The following TRRAP variants were observed in gnomAD, a reference collection of about 807,000 sequenced individuals.
TRRAP encodes transformation/transcription domain associated protein.
In TRRAP, 41 loss-of-function variants were observed where a neutral mutation model predicts 438.8. The ratio of observed to expected loss-of-function variants is 0.09; its 90% CI spans 0.07 to 0.12. The LOEUF is 0.12. Ranked by LOEUF, TRRAP falls within the 10% of genes least tolerant of loss-of-function variation. The probability of loss-of-function intolerance (pLI) is 1.00; values close to 1 mark genes in which losing one functional copy is unlikely to be tolerated. For missense variants in TRRAP, 3,122 were observed against 5,055.1 expected (o/e 0.62, Z 11.60); for synonymous variants, 1,994 against 1,962.9 (o/e 1.02, Z -0.42).
chr7:98,992,096 G>C (rs768753185), intron 64 of TRRAP, 41 bp from the exon 65 acceptor site: 7 of 1,590,960 alleles, frequency 4.4e-6, no homozygotes, highest in Non-Finnish European at 6.0e-6. Context: ...CCAGAGCTCA[G>C]CAGAGAGCAG....
intron 23 of TRRAP, 125 bp from the exon 24 acceptor site, chr7:98,929,864 G>A: frequency 1.0e-6 from 1 of 980,084 alleles, no homozygotes; most frequent in Non-Finnish European, 1.6e-6. Context: ...AGAGTGCTGG[G>A]ATTACGGGTG....
rs770212674 is a variant in TRRAP at position 99,008,488 on chromosome 7, A to C, written c.10865A>C (p.His3622Pro). 3.2e-5 allele frequency: 51 copies of C among 1,614,092 alleles called. No individual in the cohort carries two copies. The highest frequency in any genetic ancestry group is 8.5e-7 in the Non-Finnish European group (1 of 1,180,034). The part of the protein sequence containing the change: ...KQRCAKKGIE[H>P]DNPISRYYDR... ...CGCTGCGCCAAGAAGGGCATCGAGCATGACAACCCCATCTCCCGTTACTAT... is the reference window on the plus strand; with the variant it reads ...CGCTGCGCCAAGAAGGGCATCGAGCCTGACAACCCCATCTCCCGTTACTAT... Residue 3622 changes from histidine (H) to proline (P), a missense_variant, in exon 70 of 73, where the codon CAT becomes CCT. By Grantham distance (77) the His-to-Pro change is moderately conservative. Coordinates refer to ENST00000456197, the MANE Select transcript of TRRAP (RefSeq NM_001375524.1).
chr7:98,996,350 T>A (rs1396481188), intron 67 of TRRAP, among the ~76,000 whole-genome samples: 1 of 152,214 alleles, frequency 6.6e-6, no homozygotes, highest in Non-Finnish European at 1.5e-5. Flanking sequence ...GGCTCCCTAG[T>A]AGAGAAGCGC....
At chr7:98,903,590 C>T in intron 12 of TRRAP, 73 bp downstream of exon 12, 1 of 1,589,916 alleles carries the variant, frequency 6.3e-7, no homozygotes, top group Admixed American at 1.7e-5. Context: ...GGCTGACATT[C>T]CATAGTTGTG....
intron 41 of TRRAP, 151 bp from the exon 42 acceptor site, chr7:98,955,995 G>T: frequency 1.0e-6 from 1 of 985,882 alleles, no homozygotes; most frequent in Non-Finnish European, 1.5e-6. Context: ...CTCAGGTTAG[G>T]ATTCAGAATT....
At chr7:98,978,407 G>T in intron 57 of TRRAP, 84 bp downstream of exon 57, 1 of 1,238,982 alleles carries the variant, frequency 8.1e-7, no homozygotes. Flanking sequence ...TGTAATGAGC[G>T]TTTTTTAAAG....
chr7:98,971,591 A>G (rs964440636), intron 52 of TRRAP, among the ~76,000 whole-genome samples: 19 of 152,194 alleles, frequency 1.2e-4, no homozygotes, highest in African/African-American at 4.3e-4. Flanking sequence ...TGGCTTCTTT[A>G]TAGTCATTTT....
intron 18 of TRRAP, among the ~76,000 whole-genome samples, chr7:98,912,513 T>C (rs1554408939): frequency 1.3e-5 from 2 of 152,106 alleles, no homozygotes; most frequent in Non-Finnish European, 2.9e-5. Flanking sequence ...AATCATTCCG[T>C]GTATGTCTAA....
At chr7:98,968,401 G>T (rs1386478620) in intron 51 of TRRAP, among the ~76,000 whole-genome samples, 1 of 152,240 alleles carries the variant, frequency 6.6e-6, no homozygotes, top group Non-Finnish European at 1.5e-5. Flanking sequence ...AGTGTGAGGA[G>T]TCGGGTGCTG....
In TRRAP at chr7:98,930,619, A is replaced by T. The variant is rs782728880; in HGVS notation, c.3394-14A>T. On this transcript the variant is annotated splice_polypyrimidine_tract_variant and intron_variant, in intron 24 of 72. Transcript: ENST00000456197. Reference sequence around the variant, plus strand: ...TGCAGTAACGTGTTGTGGTTTGTTCATTTTCCTCTCCAGGCCTGCCAGCTG... The same window carrying T: ...TGCAGTAACGTGTTGTGGTTTGTTCTTTTTCCTCTCCAGGCCTGCCAGCTG... The T allele has an allele frequency of 3.1e-6, 5 of 1,612,538 alleles. No homozygotes were observed. The Admixed American group carries it at 8.3e-5, about 27-fold the overall frequency.
chr7:98,932,599 T>A (rs562830071), intron 26 of TRRAP, among the ~76,000 whole-genome samples: 1 of 152,182 alleles, frequency 6.6e-6, no homozygotes, highest in East Asian at 1.9e-4. Flanking sequence ...CCATTTCAGC[T>A]TCCCAAAGTG....
In TRRAP at chr7:98,915,712, C is replaced by G. The variant is rs116396841; in HGVS notation, c.2200-11C>G. 2,663 of 1,612,320 alleles carry G rather than the reference C, an allele frequency of 1.7e-3. 28 individuals are homozygous for G. In the African/African-American group the frequency reaches 0.032, roughly 20 times the overall value. On this transcript the variant is annotated splice_polypyrimidine_tract_variant and intron_variant, in intron 18 of 72. Coordinates refer to ENST00000456197, the MANE Select transcript of TRRAP (RefSeq NM_001375524.1). Reference sequence around the variant, plus strand: ...TAGATGCCACTAATCTGCGTCTTCTCCACCCCGCAGCCTCACTTGCACAAG... The same window carrying G: ...TAGATGCCACTAATCTGCGTCTTCTGCACCCCGCAGCCTCACTTGCACAAG...
rs1554410617 is a variant in TRRAP at position 98,921,843 on chromosome 7, A to G, written c.2713A>G (p.Met905Val). Residue 905 changes from methionine to valine, a missense_variant, in exon 21 of 73, where the codon ATG (methionine) becomes GTG (valine). Around this residue, in one of 24 missense-constraint regions of TRRAP, gnomAD observed 133 missense variants for 188.6 expected, o/e 0.71. Transcript: ENST00000456197. ...LGKFGGSNRK[M>V]LKESQKLHYV... is the part of the protein sequence containing the mutation. Reference sequence around the variant, plus strand: ...TAAGTTTGGCGGCAGTAACAGGAAGATGCTGAAGGAGTCGCAGAAGCTGCA... The same window carrying G: ...TAAGTTTGGCGGCAGTAACAGGAAGGTGCTGAAGGAGTCGCAGAAGCTGCA... The G allele has an allele frequency of 6.2e-7, 1 of 1,614,240 alleles. No homozygotes were observed. Among genetic ancestry groups the G allele is most frequent in the Non-Finnish European group, 8.5e-7 (1 of 1,180,044 alleles).
In TRRAP at chr7:98,915,801, C is replaced by T. The variant is rs915058904; in HGVS notation, c.2278C>T (p.Leu760=). 1 of 1,614,220 alleles carries T rather than the reference C, an allele frequency of 6.2e-7. No individual in the cohort carries two copies. The highest frequency in any genetic ancestry group is 8.5e-7 in the Non-Finnish European group (1 of 1,180,040). Residue 760 remains leucine, a synonymous_variant, in exon 19 of 73, where the codon CTA becomes TTA. Coordinates refer to ENST00000456197, the MANE Select transcript of TRRAP (RefSeq NM_001375524.1). Reference sequence around the variant, plus strand: ...GGAACCCTACAACTACTTCTTGCTGCTACGGGCGCTGTTTCGCTCTATTGG... The same window carrying T: ...GGAACCCTACAACTACTTCTTGCTGTTACGGGCGCTGTTTCGCTCTATTGG... ...AKEPYNYFLL[L]RALFRSIGGG... is the part of the protein sequence containing the mutation.
intron 26 of TRRAP, among the ~76,000 whole-genome samples, 154 bp from the exon 27 acceptor site, chr7:98,933,087 G>A (rs1554413324): frequency 6.6e-6 from 1 of 151,576 alleles, no homozygotes; most frequent in Non-Finnish European, 1.5e-5. Context: ...GCCTCTCCAC[G>A]ACCGAGGTTT....
In TRRAP at chr7:98,930,711, C is replaced by T. The variant is rs782791758; in HGVS notation, c.3472C>T (p.Leu1158=). Residue 1158 remains leucine, a synonymous_variant, in exon 25 of 73, where the codon CTG becomes TTG. Coordinates refer to ENST00000456197, the MANE Select transcript of TRRAP (RefSeq NM_001375524.1). ...CCYEQAWYAK[L]GGVVSIKFLM... The stretch of plus-strand genomic sequence containing the variant: ...TTATGAACAGGCGTGGTATGCAAAG[C>T]TGGGGGGTGTGGTGTCTATTAAGTT... 2.5e-6 allele frequency: 4 copies of T among 1,614,194 alleles called. No homozygotes were observed. The highest frequency in any genetic ancestry group is 3.4e-6 in the Non-Finnish European group (4 of 1,180,040).
intron 59 of TRRAP, among the ~76,000 whole-genome samples, chr7:98,982,759 CA>C (rs5886091): frequency 1 from 152,218 of 152,252 alleles, 76,092 homozygotes; most frequent in Middle Eastern, 1. Flanking sequence ...GACGGTGACT[CA>C]AAAATGTGTT....
rs553683487 is a variant in TRRAP at position 98,948,158 on chromosome 7, C to T, written c.4549-63C>T. The T allele has an allele frequency of 1.1e-5, 17 of 1,605,374 alleles. No individual in the cohort carries two copies. In the African/African-American group the frequency reaches 1.1e-4, roughly 10 times the overall value. ...TAGACTATAGTAGGGTCTGTAGTGA[C>T]GTTGACCTCTGTCACTTGCAAAATT... On this transcript the variant is annotated intron_variant, in intron 33 of 72. Transcript: ENST00000456197. The surrounding 1 kb of genome is among the most constrained non-coding windows in gnomAD (Gnocchi z 4.9).
chr7:99,007,453 A>G (rs1289071789), intron 69 of TRRAP, among the ~76,000 whole-genome samples: 8 of 152,034 alleles, frequency 5.3e-5, no homozygotes, highest in Admixed American at 6.5e-5. Context: ...GGTTCAAGCA[A>G]TTCTTCTGCC....
Sources: gnomAD v4.1 joint callset for allele counts (sites outside exome capture counted in the v4.1 genomes callset) on GRCh38, gnomAD v4.1.1 for gene constraint, gnomAD v4.1.1 regional missense constraint, Gnocchi (gnomAD v3.1) non-coding constraint, MANE v1.5 for transcripts, NCBI Gene and HGNC (gene_info 2026-07-23, HGNC 2026-07-21) for gene names.